The following TMEM154 variants were observed in gnomAD, a reference collection of about 807,000 sequenced individuals.
TMEM154 encodes the protein transmembrane protein 154.
Under a neutral mutation model 24.5 loss-of-function variants are expected in TMEM154, and 27 were observed. That is an observed-to-expected ratio of 1.10 (90% CI 0.81 to 1.52). The LOEUF (loss-of-function observed/expected upper bound fraction) is 1.52, where lower values mean the gene tolerates loss of function less well. TMEM154 is among the 40% of genes most tolerant of loss of function. The pLI, the probability that TMEM154 is intolerant of heterozygous loss-of-function variation, is 0.00. For missense variants in TMEM154, 228 were observed against 213.4 expected (o/e 1.07, Z -0.43); for synonymous variants, 67 against 76.8 (o/e 0.87, Z 0.67).
At chr4:152,644,615 C>T (rs1752320129) in intron 3 of TMEM154, among the ~76,000 whole-genome samples, 173 bp from the exon 4 acceptor site, 1 of 152,142 alleles carries the variant, frequency 6.6e-6, no homozygotes, top group African/African-American at 2.4e-5. Flanking sequence ...CATATTAAAA[C>T]GAGGTCCTAA....
chr4:152,661,694 T>A (rs1459534970), intron 1 of TMEM154, among the ~76,000 whole-genome samples: 2 of 152,228 alleles, frequency 1.3e-5, no homozygotes, highest in Admixed American at 1.3e-4. Context: ...TCTGTACAAC[T>A]AAGGAGTGAT....
chr4:152,652,969 A>T, intron 1 of TMEM154, 42 bp from the exon 2 acceptor site: 2 of 1,526,700 alleles, frequency 1.3e-6, no homozygotes, highest in South Asian at 1.3e-5. Context: ...ATGGAGACAA[A>T]GTTAGTATGT....
chr4:152,646,659 C>T (rs376044290), intron 3 of TMEM154: 1 of 354,102 alleles, frequency 2.8e-6, no homozygotes. Flanking sequence ...CTCCTCCAAC[C>T]CACTTTGTCC....
intron 3 of TMEM154, among the ~76,000 whole-genome samples, chr4:152,645,420 C>T (rs1752342228): frequency 6.6e-6 from 1 of 152,158 alleles, no homozygotes; most frequent in African/African-American, 2.4e-5. Flanking sequence ...GGCTGTAATG[C>T]ACATCAGACT....
intron 3 of TMEM154, among the ~76,000 whole-genome samples, chr4:152,648,406 G>A (rs1292177357): frequency 6.6e-6 from 1 of 152,194 alleles, no homozygotes; most frequent in Non-Finnish European, 1.5e-5. Context: ...GAGGTGGGAG[G>A]ATCACTTGAG....
intron 4 of TMEM154, 59 bp downstream of exon 4, chr4:152,644,356 C>G (rs1752312871): frequency 6.3e-7 from 1 of 1,582,434 alleles, no homozygotes; most frequent in East Asian, 2.2e-5. Flanking sequence ...AGGCAGCTGT[C>G]CACCTTAACA....
At chr4:152,635,962 T>C (rs1752141109) in intron 6 of TMEM154, among the ~76,000 whole-genome samples, 1 of 152,182 alleles carries the variant, frequency 6.6e-6, no homozygotes, top group Non-Finnish European at 1.5e-5. Flanking sequence ...TTGGCTAATA[T>C]TTGCGATTCC....
intron 6 of TMEM154, among the ~76,000 whole-genome samples, chr4:152,639,309 T>C (rs1284702449): frequency 6.6e-6 from 1 of 152,184 alleles, no homozygotes; most frequent in African/African-American, 2.4e-5. Flanking sequence ...TTAAGCTTCT[T>C]CCATGTTGCC....
chr4:152,647,037 C>T (rs1002202845), intron 3 of TMEM154: 3 of 764,574 alleles, frequency 3.9e-6, no homozygotes, highest in Non-Finnish European at 6.8e-6. Flanking sequence ...CATCATGTTT[C>T]CCTTTCCCTG....
rs1463437632 is a variant in TMEM154, at chr4:152,620,009, G to T, written c.*8537C>A. The T allele has an allele frequency of 6.6e-6, 1 of 152,220 alleles. No homozygotes were observed. Among genetic ancestry groups the T allele is most frequent in the African/African-American group, 2.4e-5 (1 of 41,436 alleles). The allele number at this position is 152,220 out of a possible 1,614,324, so 9.4% of individuals were successfully genotyped here. ...TGAACACTGGATGCCTCCAGGGGTGGGCCACTTGAGCTCAGGCTGAATCCC... is the reference window on the plus strand; with the variant it reads ...TGAACACTGGATGCCTCCAGGGGTGTGCCACTTGAGCTCAGGCTGAATCCC... On this transcript the variant is annotated 3_prime_UTR_variant, in exon 7 of 7. Transcript: ENST00000304385.
chr4:152,674,737 TG>T (rs1291374096), intron 1 of TMEM154, among the ~76,000 whole-genome samples: 1 of 152,138 alleles, frequency 6.6e-6, no homozygotes, highest in African/African-American at 2.4e-5. Context: ...CGAAAAGAAT[TG>T]GGGCTTAGAG....
At chr4:152,674,149 T>C (rs1388032927) in intron 1 of TMEM154, among the ~76,000 whole-genome samples, 1 of 152,038 alleles carries the variant, frequency 6.6e-6, no homozygotes, top group African/African-American at 2.4e-5. Flanking sequence ...GAGAGATATA[T>C]ATTTTTAAAT....
intron 4 of TMEM154, among the ~76,000 whole-genome samples, chr4:152,643,682 C>T (rs967585270): frequency 4.6e-5 from 7 of 152,182 alleles, no homozygotes; most frequent in Non-Finnish European, 1.0e-4. Context: ...AGAAATTCAC[C>T]GCCCTCACTT....
chr4:152,623,069 C>T lies in TMEM154; in HGVS notation c.*5477G>A, dbSNP rs1452885345. On this transcript the variant is annotated 3_prime_UTR_variant, in exon 7 of 7. Coordinates refer to ENST00000304385, the MANE Select transcript of TMEM154 (RefSeq NM_152680.3). The stretch of plus-strand genomic sequence containing the variant: ...CAGGCTGGTCTCAAACTCCCGAGCT[C>T]AGGCAATCCACCAGCCGTGGACTCC... 2.6e-5 allele frequency: 4 copies of T among 152,236 alleles called. No homozygotes were observed. Among genetic ancestry groups the T allele is most frequent in the African/African-American group, 4.8e-5 (2 of 41,448 alleles). 9.4% of individuals were successfully genotyped at this position (152,236 alleles called of 1,614,324 possible). A position where few individuals can be genotyped will look rare whatever the true frequency, so the allele number is the denominator to read the frequency against.
Position 152,620,241 on chromosome 4 carries a change from G to A in TMEM154, c.*8305C>T, listed in dbSNP as rs1751823867. On this transcript the variant is annotated 3_prime_UTR_variant, in exon 7 of 7. Coordinates refer to ENST00000304385, the MANE Select transcript of TMEM154 (RefSeq NM_152680.3). Reference sequence around the variant, plus strand: ...GCAACCTTAAAGAGGATCATATGCTGTTTATGTCAGCTCTAGTAAGTGGGA... The same window carrying A: ...GCAACCTTAAAGAGGATCATATGCTATTTATGTCAGCTCTAGTAAGTGGGA... 6.6e-6 allele frequency: 1 copy of A among 152,210 alleles called. No homozygotes were observed. Among genetic ancestry groups the A allele is most frequent in the Non-Finnish European group, 1.5e-5 (1 of 68,042 alleles). The allele number at this position is 152,210 out of a possible 1,614,324, so 9.4% of individuals were successfully genotyped here. A position where few individuals can be genotyped will look rare whatever the true frequency, so the allele number is the denominator to read the frequency against.
intron 6 of TMEM154, 39 bp from the exon 7 acceptor site, chr4:152,628,600 A>AAAAAACACACAC (rs1561042688): frequency 1.0e-6 from 1 of 982,748 alleles, no homozygotes; most frequent in African/African-American, 2.0e-5. Flanking sequence ...AAACAAAAAA[A>AAAAAACACACAC]ACACACACAC....
chr4:152,660,376 GC>G (rs139626360), intron 1 of TMEM154, among the ~76,000 whole-genome samples: 13 of 149,556 alleles, frequency 8.7e-5, no homozygotes, highest in South Asian at 4.2e-4. Context: ...TCCAGACCCC[GC>G]CCCCCCCTCA....
rs773583096 is a variant in TMEM154 at position 152,628,566 on chromosome 4, A to T, written c.537-5T>A. Reference sequence around the variant, plus strand: ...CAGGTTTAGGATTCACTGTCACTGTAAAAAAAAAAAAAAAAAAAAAAAAAA... The same window carrying T: ...CAGGTTTAGGATTCACTGTCACTGTTAAAAAAAAAAAAAAAAAAAAAAAAA... On this transcript the variant is annotated splice_polypyrimidine_tract_variant and splice_region_variant and intron_variant, in intron 6 of 6. Transcript: ENST00000304385. 1.1e-4 allele frequency: 34 copies of T among 299,550 alleles called. No homozygotes were observed. The highest frequency in any genetic ancestry group is 1.5e-4 in the Non-Finnish European group (32 of 220,196). The allele number at this position is 299,550 out of a possible 1,614,324, so 18.6% of individuals were successfully genotyped here.
chr4:152,628,483 T>C lies in TMEM154; in HGVS notation c.*63A>G. The C allele has an allele frequency of 6.3e-7, 1 of 1,599,624 alleles. No individual in the cohort carries two copies. The highest frequency in any genetic ancestry group is 1.4e-5 in the African/African-American group (1 of 73,240). Reference sequence around the variant, plus strand: ...AATTTGTATCCTCTTCATCCTCTGTTGGCAGCCTCAGCAGACTCCCTCAGG... The same window carrying C: ...AATTTGTATCCTCTTCATCCTCTGTCGGCAGCCTCAGCAGACTCCCTCAGG... On this transcript the variant is annotated 3_prime_UTR_variant, in exon 7 of 7. Transcript: ENST00000304385.
Sources: allele counts gnomAD v4.1 joint callset (sites outside exome capture counted in the v4.1 genomes callset), GRCh38; gene constraint gnomAD v4.1.1; transcripts MANE v1.5; gene names NCBI Gene and HGNC (gene_info 2026-07-23, HGNC 2026-07-21).